TENM4: variants seen among roughly 807,000 people sequenced by gnomAD.
The protein encoded by TENM4 is teneurin-4.
TENM4 carries 82 observed loss-of-function variants against 243.3 expected under a neutral mutation model. The ratio of observed to expected loss-of-function variants is 0.34; its 90% CI spans 0.28 to 0.40. The LOEUF is 0.40. Among genes scored for constraint, TENM4 ranks in the 10% least tolerant of loss-of-function variants. The pLI is 1.00. For synonymous variants in TENM4, 1,412 were observed against 1,456.3 expected (o/e 0.97, Z 0.69); for missense variants, 3,138 against 3,673.3 (o/e 0.85, Z 3.77).
At position 79,050,105 on chromosome 11, in the gene TENM4, G is replaced by A. The variant is rs112768757; in HGVS notation, c.493+14633C>T. 3.1e-3 allele frequency among the ~76,000 whole-genome samples: 465 copies of A among 152,314 alleles called. 4 individuals are homozygous for A. Among genetic ancestry groups the A allele is most frequent in the African/African-American group, 0.011 (450 of 41,564 alleles). On this transcript the variant is annotated intron_variant, in intron 6 of 33. Transcript: ENST00000278550. ...ATTTAAAGCCAGGGTATGGGCTCAG[G>A]TGCCCTGGACTGGGGAGATGATGTC...
intron 2 of TENM4, among the ~76,000 whole-genome samples, chr11:79,230,706 T>C (rs565004287): frequency 6.6e-6 from 1 of 152,354 alleles, no homozygotes; most frequent in African/African-American, 2.4e-5. Context: ...CAGCAGCAAG[T>C]ATCCCAGGCC....
chr11:78,797,344 T>G (rs1341730491), intron 15 of TENM4, among the ~76,000 whole-genome samples: 1 of 152,084 alleles, frequency 6.6e-6, no homozygotes, highest in Admixed American at 6.5e-5. Context: ...AAAGAACAGT[T>G]TTTTTTTAAG....
intron 6 of TENM4, among the ~76,000 whole-genome samples, chr11:78,992,668 G>C (rs1404128704): frequency 6.6e-6 from 1 of 152,224 alleles, no homozygotes; most frequent in Non-Finnish European, 1.5e-5. Flanking sequence ...AAAGCGTAGA[G>C]CCATGGGAAT....
chr11:78,795,153 C>T (rs1857137435), intron 15 of TENM4, among the ~76,000 whole-genome samples: 1 of 152,150 alleles, frequency 6.6e-6, no homozygotes, highest in Non-Finnish European at 1.5e-5. Context: ...CCTTGAAACC[C>T]CCTCCCGGCA....
At chr11:79,272,589 G>T (rs1297126878) in intron 2 of TENM4, among the ~76,000 whole-genome samples, 1 of 152,096 alleles carries the variant, frequency 6.6e-6, no homozygotes, top group Non-Finnish European at 1.5e-5. Context: ...ACATGTGGCT[G>T]TTGGCTACCA....
Position 78,805,281 on chromosome 11 carries a change from C to CACCCACCACACCCCACCCCA in TENM4, c.2179+10_2179+11insTGGGGTGGGGTGTGGTGGGT. On this transcript the variant is annotated intron_variant, in intron 15 of 33. Coordinates refer to ENST00000278550, the MANE Select transcript of TENM4 (RefSeq NM_001098816.3). The stretch of plus-strand genomic sequence containing the variant: ...TCCCTCTACCCATGCTTCTTCTCCC[C>CACCCACCACACCCCACCCCA]CTGCATTTACCGATAGAACAGTCGT... The CACCCACCACACCCCACCCCA allele has an allele frequency of 2.7e-6, 4 of 1,488,474 alleles. No individual in the cohort carries two copies. Among genetic ancestry groups the CACCCACCACACCCCACCCCA allele is most frequent in the Non-Finnish European group, 3.6e-6 (4 of 1,097,800 alleles). The allele number at this position is 1,488,474 out of a possible 1,614,324, so 92.2% of individuals were successfully genotyped here.
chr11:79,151,768 T>C (rs1002610932), intron 3 of TENM4, among the ~76,000 whole-genome samples: 1 of 152,080 alleles, frequency 6.6e-6, no homozygotes, highest in African/African-American at 2.4e-5. Context: ...TCACAATGTA[T>C]CTCTCTGTGT....
At chr11:78,874,672 C>G (rs1409508996) in intron 9 of TENM4, among the ~76,000 whole-genome samples, 3 of 152,084 alleles carry the variant, frequency 2.0e-5, no homozygotes. Context: ...TCTCAAATAC[C>G]CTTTTTGCAA....
At chr11:78,851,329 C>T (rs1858533354) in intron 12 of TENM4, among the ~76,000 whole-genome samples, 1 of 152,092 alleles carries the variant, frequency 6.6e-6, no homozygotes, top group Non-Finnish European at 1.5e-5. Context: ...GACAGGTGTC[C>T]ACATTTAGGT....
intron 6 of TENM4, among the ~76,000 whole-genome samples, chr11:78,909,477 C>T (rs1002223606): frequency 6.6e-6 from 1 of 152,200 alleles, no homozygotes; most frequent in Middle Eastern, 3.2e-3. Context: ...GGCAGTCTGC[C>T]TCCATAGACC....
intron 20 of TENM4, among the ~76,000 whole-genome samples, chr11:78,735,818 A>C (rs1855773446): frequency 6.6e-6 from 1 of 150,822 alleles, no homozygotes; most frequent in African/African-American, 2.4e-5. Flanking sequence ...GGCCTCACAC[A>C]TTCCCTTGTC....
chr11:79,295,093 A>G (rs1856426961), intron 2 of TENM4, among the ~76,000 whole-genome samples: 1 of 152,222 alleles, frequency 6.6e-6, no homozygotes, highest in Non-Finnish European at 1.5e-5. Flanking sequence ...ACTCCTGCTC[A>G]GAACACACCA....
intron 16 of TENM4, among the ~76,000 whole-genome samples, chr11:78,782,102 T>C (rs192877734): frequency 6.6e-6 from 1 of 152,334 alleles, no homozygotes; most frequent in Admixed American, 6.5e-5. Context: ...TCATGAGTGA[T>C]TTGTGGGCTC....
At chr11:79,236,827 G>T (rs1001701431) in intron 2 of TENM4, among the ~76,000 whole-genome samples, 1 of 152,180 alleles carries the variant, frequency 6.6e-6, no homozygotes, top group Non-Finnish European at 1.5e-5. Context: ...ACAGGAGGTG[G>T]TGACTATGCT....
intron 16 of TENM4, among the ~76,000 whole-genome samples, chr11:78,782,382 G>C (rs1856855555): frequency 6.6e-6 from 1 of 152,186 alleles, no homozygotes; most frequent in African/African-American, 2.4e-5. Context: ...TGGATCACCT[G>C]AGGTCAGGAG....
At chr11:79,423,793 G>C (rs1858990847) in intron 1 of TENM4, among the ~76,000 whole-genome samples, 1 of 152,150 alleles carries the variant, frequency 6.6e-6, no homozygotes, top group South Asian at 2.1e-4. Flanking sequence ...CAGCAAGTGA[G>C]AGGAGGCCTG....
At chr11:79,404,204 G>T (rs1858520907) in intron 1 of TENM4, among the ~76,000 whole-genome samples, 1 of 152,180 alleles carries the variant, frequency 6.6e-6, no homozygotes, top group Non-Finnish European at 1.5e-5. Flanking sequence ...AAGAAAATCT[G>T]CTTTTTAAAT....
At chr11:79,225,973 C>G (rs1415576668) in intron 2 of TENM4, among the ~76,000 whole-genome samples, 1 of 152,158 alleles carries the variant, frequency 6.6e-6, no homozygotes, top group Non-Finnish European at 1.5e-5. Flanking sequence ...CAAACAGGCC[C>G]ACTGCTTCTA....
Position 79,409,803 on chromosome 11 carries a change from G to A in TENM4, c.-321+30706C>T, listed in dbSNP as rs574850073. Among the ~76,000 whole-genome samples, 494 of 152,324 alleles carry A rather than the reference G, an allele frequency of 3.2e-3. 1 individual carries two copies. Among genetic ancestry groups the A allele is most frequent in the Non-Finnish European group, 5.4e-3 (367 of 68,032 alleles). On this transcript the variant is annotated intron_variant, in intron 1 of 33. Coordinates refer to ENST00000278550, the MANE Select transcript of TENM4 (RefSeq NM_001098816.3). Reference sequence around the variant, plus strand: ...GCTCCACAACCAATGAGGAACATCTGTAGGTGGATACATACCCCAGCTTTC... The same window carrying A: ...GCTCCACAACCAATGAGGAACATCTATAGGTGGATACATACCCCAGCTTTC...
Sources: gnomAD v4.1 joint callset for allele counts (sites outside exome capture counted in the v4.1 genomes callset) on GRCh38, gnomAD v4.1.1 for gene constraint, MANE v1.5 for transcripts, NCBI Gene and HGNC (gene_info 2026-07-23, HGNC 2026-07-21) for gene names.